Variants in CCDC85A observed in about 807,000 individuals in gnomAD.
CCDC85A encodes coiled-coil domain-containing protein 85A.
In CCDC85A, 38 loss-of-function variants were observed where a neutral mutation model predicts 50.2. The ratio of observed to expected loss-of-function variants is 0.76; its 90% confidence interval spans 0.58 to 0.99. The LOEUF is 0.99. CCDC85A is among the 50% of genes least tolerant of loss of function. The pLI is 0.00. For missense variants in CCDC85A, 820 were observed against 742.0 expected, an observed-to-expected ratio of 1.11 and a Z score of -1.22; for synonymous variants, 366 against 301.4, an observed-to-expected ratio of 1.21 and a Z score of -2.22.
chr2:56,261,571 A>G (rs1055889317), intron 2 of CCDC85A, among the ~76,000 whole-genome samples: 3 of 152,194 alleles, frequency 2.0e-5, no homozygotes, highest in African/African-American at 4.8e-5. Context: ...TACTGAGTGA[A>G]CATCCAATAT....
chr2:56,216,737 CTT>C (rs70955012), intron 2 of CCDC85A, among the ~76,000 whole-genome samples: 51 of 140,978 alleles, frequency 3.6e-4, no homozygotes, highest in African/African-American at 8.8e-4. Flanking sequence ...TTATTTTTAT[CTT>C]TTTTTTTTTT....
chr2:56,305,335 T>C (rs1248708409), intron 2 of CCDC85A, among the ~76,000 whole-genome samples: 1 of 152,204 alleles, frequency 6.6e-6, no homozygotes, highest in Non-Finnish European at 1.5e-5. Context: ...GTAAGTATTA[T>C]TTATTATCCC....
chr2:56,378,162 T>G lies in CCDC85A; in HGVS notation c.1572+2227T>G, dbSNP rs1382679142. 3.3e-5 allele frequency among the ~76,000 whole-genome samples: 5 copies of G among 152,174 alleles called. No individual in the cohort carries two copies. In the East Asian group the frequency reaches 9.6e-4, roughly 29 times the overall value. Reference sequence around the variant, plus strand: ...ATTATGGCCACTTGACATGTTTTGTTTTTGAGAGCCAGCTGTCTAGAGCTG... The same window carrying G: ...ATTATGGCCACTTGACATGTTTTGTGTTTGAGAGCCAGCTGTCTAGAGCTG... On this transcript the variant is annotated intron_variant, in intron 5 of 5. Transcript: ENST00000407595.
At chr2:56,366,992 C>T (rs928139129) in intron 3 of CCDC85A, among the ~76,000 whole-genome samples, 1 of 152,188 alleles carries the variant, frequency 6.6e-6, no homozygotes, top group Non-Finnish European at 1.5e-5. Context: ...GCCCCCACTT[C>T]TATTTGCTGG....
chr2:56,266,894 A>T (rs898391897), intron 2 of CCDC85A, among the ~76,000 whole-genome samples: 1 of 152,178 alleles, frequency 6.6e-6, no homozygotes, highest in Non-Finnish European at 1.5e-5. Context: ...GGCTGAAACT[A>T]TTAACATTCA....
intron 2 of CCDC85A, among the ~76,000 whole-genome samples, chr2:56,257,829 G>A (rs1391240317): frequency 1.3e-5 from 2 of 152,162 alleles, no homozygotes; most frequent in Non-Finnish European, 2.9e-5. Flanking sequence ...ACCTGACATG[G>A]AGGAGAAGAT....
intron 2 of CCDC85A, among the ~76,000 whole-genome samples, chr2:56,199,569 C>T (rs368623880): frequency 6.7e-6 from 1 of 148,700 alleles, no homozygotes; most frequent in African/African-American, 2.5e-5. Context: ...TATGAGTATT[C>T]TTTTTTTTTT....
At chr2:56,311,397 C>CT (rs1232932553) in intron 2 of CCDC85A, among the ~76,000 whole-genome samples, 1 of 151,658 alleles carries the variant, frequency 6.6e-6, no homozygotes, top group African/African-American at 2.4e-5. Context: ...TTTAGCTATT[C>CT]TGGTGAGAGT....
intron 2 of CCDC85A, among the ~76,000 whole-genome samples, chr2:56,225,454 G>T (rs79741419): frequency 1.3e-5 from 2 of 151,976 alleles, no homozygotes; most frequent in Non-Finnish European, 2.9e-5. Context: ...CATAAATGTC[G>T]GGGTTTATTT....
chr2:56,383,883 T>C (rs1424626531), intron 5 of CCDC85A: 9 of 445,760 alleles, frequency 2.0e-5, no homozygotes, highest in Admixed American at 1.9e-4. Context: ...AGAGCTTTTT[T>C]TAAAAATGCA....
chr2:56,359,567 T>C (rs1224271985), intron 3 of CCDC85A, among the ~76,000 whole-genome samples: 3 of 152,176 alleles, frequency 2.0e-5, no homozygotes, highest in Non-Finnish European at 2.9e-5. Flanking sequence ...GGCAGCAGCT[T>C]GGAAAGAACA....
intron 2 of CCDC85A, among the ~76,000 whole-genome samples, chr2:56,294,912 G>T (rs192233622): frequency 6.6e-6 from 1 of 152,194 alleles, no homozygotes; most frequent in Non-Finnish European, 1.5e-5. Context: ...GGATGGGTTG[G>T]TGGTATTAGT....
chr2:56,251,292 G>T (rs1055273573), intron 2 of CCDC85A, among the ~76,000 whole-genome samples: 3 of 152,194 alleles, frequency 2.0e-5, no homozygotes, highest in Admixed American at 6.5e-5. Context: ...TATATTAGGT[G>T]CTTAGTGAAT....
rs1572988914 is a variant in CCDC85A at position 56,184,334 on chromosome 2, C to T, written c.-291C>T. The T allele has an allele frequency of 5.5e-6, 3 of 545,510 alleles. No homozygotes were observed. Among genetic ancestry groups the T allele is most frequent in the Non-Finnish European group, 5.1e-6 (2 of 392,196 alleles). The allele number at this position is 545,510 out of a possible 1,614,324, so 33.8% of individuals were successfully genotyped here. ...CCCCGAGGATTTCCCGCGGCAGCCC[C>T]GGGCTCCCCAGTGCCCCTCACCATG... On this transcript the variant is annotated 5_prime_UTR_variant, in exon 1 of 6. Coordinates refer to ENST00000407595, the MANE Select transcript of CCDC85A (RefSeq NM_001080433.2).
rs147478133 is a variant in CCDC85A, at chr2:56,296,258, G to A, written c.1241-46621G>A. Among the ~76,000 whole-genome samples the A allele has an allele frequency of 6.3e-3, 958 of 152,212 alleles. 9 individuals are homozygous for A. Among genetic ancestry groups the A allele is most frequent in the African/African-American group, 0.021 (887 of 41,542 alleles). ...TATTTTAACAGCACCTGTGGTAAAG[G>A]TGTATCCCAAAGCGTCACTAATGGT... On this transcript the variant is annotated intron_variant, in intron 2 of 5. Coordinates refer to ENST00000407595, the MANE Select transcript of CCDC85A (RefSeq NM_001080433.2).
chr2:56,283,721 G>A (rs1363028680), intron 2 of CCDC85A, among the ~76,000 whole-genome samples: 2 of 151,970 alleles, frequency 1.3e-5, no homozygotes, highest in African/African-American at 4.8e-5. Context: ...ATATCTGTAG[G>A]ATCTGTAATG....
At chr2:56,217,664 T>C (rs1245329645) in intron 2 of CCDC85A, among the ~76,000 whole-genome samples, 2 of 151,808 alleles carry the variant, frequency 1.3e-5, no homozygotes, top group African/African-American at 4.8e-5. Flanking sequence ...GGCATAAATA[T>C]CTGGAATGGA....
chr2:56,383,356 G>A (rs769800460), intron 5 of CCDC85A, among the ~76,000 whole-genome samples: 1 of 151,936 alleles, frequency 6.6e-6, no homozygotes, highest in African/African-American at 2.4e-5. Context: ...AATCCTTAGC[G>A]TGAAATAGTC....
At chr2:56,379,902 T>TTC in intron 5 of CCDC85A, 3 of 546,598 alleles carry the variant, frequency 5.5e-6, no homozygotes, top group Non-Finnish European at 7.0e-6. Flanking sequence ...CATCGTAGCT[T>TTC]AGCTATTGTT....
Sources: allele counts gnomAD v4.1 joint callset (sites outside exome capture counted in the v4.1 genomes callset), GRCh38; gene constraint gnomAD v4.1.1; transcripts MANE v1.5; gene names NCBI Gene and HGNC (gene_info 2026-07-23, HGNC 2026-07-21).